Variants in ADGRL3 observed in about 807,000 individuals in gnomAD.
ADGRL3 encodes the protein adhesion G protein-coupled receptor L3.
In ADGRL3, 62 loss-of-function variants were observed where a neutral mutation model predicts 153.5. That is an observed-to-expected ratio of 0.40 (90% CI 0.33 to 0.50). The LOEUF (loss-of-function observed/expected upper bound fraction) is 0.50. Among genes scored for constraint, ADGRL3 ranks in the 20% least tolerant of loss-of-function variants. ADGRL3 has a pLI of 0.47. For missense variants in ADGRL3, 1,641 were observed against 1,859.4 expected (o/e 0.88, Z 2.16); for synonymous variants, 710 against 672.5 (o/e 1.06, Z -0.86).
intron 4 of ADGRL3, among the ~76,000 whole-genome samples, chr4:61,570,960 A>G (rs1190579714): frequency 6.6e-6 from 1 of 151,792 alleles, no homozygotes; most frequent in Non-Finnish European, 1.5e-5. Flanking sequence ...CATGGAAATA[A>G]CCGAGGCTGG....
chr4:61,317,122 T>C (rs1176320978), intron 1 of ADGRL3, among the ~76,000 whole-genome samples: 1 of 152,160 alleles, frequency 6.6e-6, no homozygotes, highest in Admixed American at 6.5e-5. Context: ...AAAGCACTGT[T>C]GATTTCTAAG....
At chr4:62,002,785 G>A (rs902001127) in intron 21 of ADGRL3, among the ~76,000 whole-genome samples, 11 of 152,018 alleles carry the variant, frequency 7.2e-5, no homozygotes, top group African/African-American at 2.7e-4. Flanking sequence ...GTTTCTGACA[G>A]GTCAAAATCA....
intron 8 of ADGRL3, among the ~76,000 whole-genome samples, chr4:61,746,245 C>T (rs1005580607): frequency 6.6e-6 from 1 of 152,100 alleles, no homozygotes; most frequent in Non-Finnish European, 1.5e-5. Flanking sequence ...TATACTCCCA[C>T]ATATTAATAA....
intron 9 of ADGRL3, among the ~76,000 whole-genome samples, chr4:61,828,786 C>T (rs2097840295): frequency 6.6e-6 from 1 of 152,160 alleles, no homozygotes; most frequent in Non-Finnish European, 1.5e-5. Flanking sequence ...TTTACGATGG[C>T]CTACACTCAC....
intron 6 of ADGRL3, among the ~76,000 whole-genome samples, chr4:61,710,518 C>T (rs1018920652): frequency 4.6e-5 from 7 of 152,098 alleles, no homozygotes; most frequent in Non-Finnish European, 1.5e-5. Context: ...AAGTGGCAAA[C>T]CAACAGAACT....
At chr4:61,896,485 G>A (rs2098632267) in intron 11 of ADGRL3, among the ~76,000 whole-genome samples, 1 of 152,092 alleles carries the variant, frequency 6.6e-6, no homozygotes, top group Admixed American at 6.5e-5. Flanking sequence ...TGGCACATTA[G>A]CTATGCTGAG....
At chr4:61,628,867 T>C (rs942281614) in intron 5 of ADGRL3, among the ~76,000 whole-genome samples, 2 of 152,202 alleles carry the variant, frequency 1.3e-5, no homozygotes, top group African/African-American at 4.8e-5. Flanking sequence ...TTTGTTCTTG[T>C]TGACAGTATA....
chr4:61,946,806 T>G lies in ADGRL3; in HGVS notation c.2420-108T>G. 3.6e-6 allele frequency: 3 copies of G among 844,318 alleles called. No individual in the cohort carries two copies. In the South Asian group the frequency reaches 4.8e-5, roughly 14 times the overall value. 52.3% of individuals were successfully genotyped at this position (844,318 alleles called of 1,614,324 possible). A position where few individuals can be genotyped will look rare whatever the true frequency, so the allele number is the denominator to read the frequency against. The stretch of plus-strand genomic sequence containing the variant: ...TTGGTACTTTGGTTGAAATGAATGC[T>G]GGATTTTTTGTGTGAATACATACTA... On this transcript the variant is annotated intron_variant, in intron 15 of 26. Transcript: ENST00000683033.
chr4:61,723,558 C>A (rs933541670), intron 6 of ADGRL3, among the ~76,000 whole-genome samples: 2 of 152,038 alleles, frequency 1.3e-5, no homozygotes, highest in African/African-American at 2.4e-5. Flanking sequence ...TTGGTTTTAC[C>A]AGGTGTGTCA....
At chr4:61,409,173 A>C (rs1397270465) in intron 2 of ADGRL3, among the ~76,000 whole-genome samples, 2 of 145,288 alleles carry the variant, frequency 1.4e-5, no homozygotes, top group Non-Finnish European at 3.0e-5. Flanking sequence ...TTAGTTGAAA[A>C]ATTTTATTAT....
chr4:61,403,338 C>T (rs924280543), intron 2 of ADGRL3, among the ~76,000 whole-genome samples: 1 of 151,972 alleles, frequency 6.6e-6, no homozygotes, highest in Non-Finnish European at 1.5e-5. Flanking sequence ...GGGAACTGAA[C>T]GTCCTACCAT....
rs907611016 is a variant in ADGRL3 at position 61,468,374 on chromosome 4, G to A, written c.-173-28747G>A. On this transcript the variant is annotated intron_variant, in intron 2 of 26. Transcript: ENST00000683033. ...CAGTGTGAGGTGCAGCTGGAAATCC[G>A]GTACTTGATGGCTAGAGAAGGATCT... Among the ~76,000 whole-genome samples, 12 of 152,150 alleles carry A rather than the reference G, an allele frequency of 7.9e-5. No individual in the cohort carries two copies. The South Asian group carries it at 8.3e-4, about 11-fold the overall frequency.
At chr4:61,585,066 A>G (rs2098940875) in intron 4 of ADGRL3, among the ~76,000 whole-genome samples, 3 of 151,984 alleles carry the variant, frequency 2.0e-5, no homozygotes, top group African/African-American at 7.2e-5. Context: ...GTAACATTAT[A>G]ACCAACCTTT....
chr4:61,255,624 T>C (rs2091888864), intron 1 of ADGRL3, among the ~76,000 whole-genome samples: 1 of 152,212 alleles, frequency 6.6e-6, no homozygotes, highest in Non-Finnish European at 1.5e-5. Context: ...ACATCAATGT[T>C]ACGAAATTCC....
At chr4:61,219,871 G>A (rs1391782484) in intron 1 of ADGRL3, among the ~76,000 whole-genome samples, 1 of 152,046 alleles carries the variant, frequency 6.6e-6, no homozygotes, top group Admixed American at 6.5e-5. Context: ...ACTTTCGGAG[G>A]CCAAGGCGGG....
intron 6 of ADGRL3, among the ~76,000 whole-genome samples, chr4:61,693,184 T>C (rs2095572673): frequency 6.6e-6 from 1 of 152,122 alleles, no homozygotes; most frequent in Non-Finnish European, 1.5e-5. Context: ...GGAATAATAA[T>C]AGAAAGTATA....
intron 6 of ADGRL3, among the ~76,000 whole-genome samples, chr4:61,726,479 G>C (rs1053581484): frequency 4.6e-5 from 7 of 151,976 alleles, no homozygotes; most frequent in Non-Finnish European, 1.0e-4. Flanking sequence ...GATTACAGGC[G>C]TGAGCCACCA....
intron 5 of ADGRL3, among the ~76,000 whole-genome samples, chr4:61,632,534 G>A (rs1199679266): frequency 6.6e-6 from 1 of 152,086 alleles, no homozygotes; most frequent in Non-Finnish European, 1.5e-5. Context: ...ACAGTCTGGT[G>A]TCATGCCTGT....
chr4:61,350,179 C>A (rs539379383), intron 1 of ADGRL3, among the ~76,000 whole-genome samples: 1 of 152,030 alleles, frequency 6.6e-6, no homozygotes, highest in Non-Finnish European at 1.5e-5. Flanking sequence ...AATTGGAAAT[C>A]TTGATATCCT....
Sources: gnomAD v4.1 joint callset for allele counts (sites outside exome capture counted in the v4.1 genomes callset) on GRCh38, gnomAD v4.1.1 for gene constraint, MANE v1.5 for transcripts, NCBI Gene and HGNC (gene_info 2026-07-23, HGNC 2026-07-21) for gene names.